The following CARMIL1 variants were observed in gnomAD, a reference collection of about 807,000 sequenced individuals.
CARMIL1 encodes the protein capping protein regulator and myosin 1 linker 1, also known as F-actin-uncapping protein LRRC16A.
Under a neutral mutation model 177.1 loss-of-function variants are expected in CARMIL1, and 90 were observed. The ratio of observed to expected loss-of-function variants is 0.51; its 90% CI spans 0.43 to 0.61. The LOEUF (loss-of-function observed/expected upper bound fraction) is 0.61, where lower values mean the gene tolerates loss of function less well. Ranked by LOEUF, CARMIL1 falls within the 20% of genes least tolerant of loss-of-function variation. The pLI is 0.00. For synonymous variants in CARMIL1, 577 were observed against 606.2 expected (o/e 0.95, Z 0.71); for missense variants, 1,380 against 1,667.0 (o/e 0.83, Z 3.00).
At chr6:25,468,870 A>T (rs1477206568) in intron 9 of CARMIL1, among the ~76,000 whole-genome samples, 2 of 152,240 alleles carry the variant, frequency 1.3e-5, no homozygotes, top group Non-Finnish European at 2.9e-5. Context: ...TCAAAGCATT[A>T]TGGTAAATTA....
intron 5 of CARMIL1, among the ~76,000 whole-genome samples, chr6:25,444,101 A>G (rs1460944438): frequency 6.6e-6 from 1 of 152,058 alleles, no homozygotes; most frequent in Non-Finnish European, 1.5e-5. Context: ...CTGCGCCTGG[A>G]CTTACAATTT....
intron 13 of CARMIL1, among the ~76,000 whole-genome samples, chr6:25,489,346 C>T (rs548169992): frequency 1.3e-5 from 2 of 152,164 alleles, no homozygotes; most frequent in African/African-American, 2.4e-5. Context: ...TCGTCTATTC[C>T]GTGAATAAAA....
chr6:25,483,681 CAAAAA>C (rs11452946), intron 12 of CARMIL1, among the ~76,000 whole-genome samples: 1 of 90,480 alleles, frequency 1.1e-5, no homozygotes, highest in Admixed American at 1.3e-4. Context: ...ATCTCTGTCT[CAAAAA>C]AAAAAAAAAA....
At chr6:25,325,690 G>A (rs1227890018) in intron 2 of CARMIL1, among the ~76,000 whole-genome samples, 2 of 152,182 alleles carry the variant, frequency 1.3e-5, no homozygotes, top group African/African-American at 4.8e-5. Context: ...GTAGCGTGTA[G>A]CAGACAGTGT....
chr6:25,415,795 G>T (rs969320780), intron 2 of CARMIL1, among the ~76,000 whole-genome samples: 4 of 152,108 alleles, frequency 2.6e-5, no homozygotes, highest in African/African-American at 9.7e-5. Flanking sequence ...TCTGTGATTG[G>T]TGTCTATTGT....
In CARMIL1 at chr6:25,520,219, G is replaced by A. The variant is rs1312035522; in HGVS notation, c.1875-25G>A. On this transcript the variant is annotated intron_variant, in intron 22 of 36. Transcript: ENST00000329474. The stretch of plus-strand genomic sequence containing the variant: ...GTAATAGGAAGTTATTTTTAAATAA[G>A]TATATTATTTTCTCCTTTTTCTAGG... 4 of 1,073,526 alleles carry A rather than the reference G, an allele frequency of 3.7e-6. No homozygotes were observed. The South Asian group carries it at 4.5e-5, about 12-fold the overall frequency. The allele number at this position is 1,073,526 out of a possible 1,614,324, so 66.5% of individuals were successfully genotyped here. A position where few individuals can be genotyped will look rare whatever the true frequency, so the allele number is the denominator to read the frequency against.
At chr6:25,579,409 T>C (rs1050570777) in intron 29 of CARMIL1, among the ~76,000 whole-genome samples, 2 of 152,234 alleles carry the variant, frequency 1.3e-5, no homozygotes, top group Non-Finnish European at 2.9e-5. Context: ...ATGGATAGAA[T>C]ACTGAAGAAC....
rs1167844964 is a variant in CARMIL1 at position 25,491,794 on chromosome 6, A to G, written c.1128A>G (p.Glu376=). Residue 376 remains glutamate, a synonymous_variant, in exon 14 of 37, where the codon GAA becomes GAG. Coordinates refer to ENST00000329474, the MANE Select transcript of CARMIL1 (RefSeq NM_017640.6). ...AIVHLDLSNT[E]CSLDMVCGAL... is the part of the protein sequence containing the mutation. Reference sequence around the variant, plus strand: ...TTCATCTGGATTTATCCAATACAGAATGTTCCCTGGACATGGTAAATTTAA... The same window carrying G: ...TTCATCTGGATTTATCCAATACAGAGTGTTCCCTGGACATGGTAAATTTAA... 1 of 1,598,564 alleles carries G rather than the reference A, an allele frequency of 6.3e-7. No homozygotes were observed. Among genetic ancestry groups the G allele is most frequent in the East Asian group, 2.2e-5 (1 of 44,500 alleles).
chr6:25,413,175 G>T (rs1795070875), intron 2 of CARMIL1, among the ~76,000 whole-genome samples: 2 of 152,034 alleles, frequency 1.3e-5, no homozygotes, highest in Admixed American at 6.5e-5. Context: ...GATTAATGAG[G>T]TTTTATCTGT....
At chr6:25,536,277 T>C (rs1165934476) in intron 24 of CARMIL1, among the ~76,000 whole-genome samples, 2 of 152,268 alleles carry the variant, frequency 1.3e-5, no homozygotes, top group South Asian at 4.1e-4. Context: ...TTTCTATCAA[T>C]TAAGATTTTA....
In CARMIL1 at chr6:25,307,828, C is replaced by T. The variant is rs1225360717; in HGVS notation, c.138+22919C>T. Among the ~76,000 whole-genome samples, 5 of 152,110 alleles carry T rather than the reference C, an allele frequency of 3.3e-5. No individual in the cohort carries two copies. The East Asian group carries it at 7.7e-4, about 23-fold the overall frequency. ...CAGGCATCTAAATCTGAAGTGTAAG[C>T]CTCTTTTTTGATAAATGAGGGATAG... On this transcript the variant is annotated intron_variant, in intron 2 of 36. Coordinates refer to ENST00000329474, the MANE Select transcript of CARMIL1 (RefSeq NM_017640.6).
intron 8 of CARMIL1, chr6:25,452,180 T>C (rs777320250): frequency 1.3e-6 from 1 of 764,722 alleles, no homozygotes; most frequent in Non-Finnish European, 2.4e-6. Context: ...CTCAGCTGTG[T>C]CTGTAGTTGT....
Position 25,515,929 on chromosome 6 carries a change from C to A in CARMIL1, c.1805+82C>A, listed in dbSNP as rs966921830. The A allele has an allele frequency of 5.6e-6, 8 of 1,417,204 alleles. No homozygotes were observed. The highest frequency in any genetic ancestry group is 7.6e-6 in the Non-Finnish European group (8 of 1,055,464). 87.8% of individuals were successfully genotyped at this position (1,417,204 alleles called of 1,614,324 possible). A position where few individuals can be genotyped will look rare whatever the true frequency, so the allele number is the denominator to read the frequency against. ...GCAAGCATTGCAGAGCTGCTGGGCC[C>A]GAGGGGACCTGGGCTTCCCATGAGG... On this transcript the variant is annotated intron_variant, in intron 21 of 36. Coordinates refer to ENST00000329474, the MANE Select transcript of CARMIL1 (RefSeq NM_017640.6). The surrounding 1 kb of genome is among the most constrained non-coding windows in gnomAD (Gnocchi z 5.0).
intron 4 of CARMIL1, among the ~76,000 whole-genome samples, chr6:25,427,609 A>G (rs2150730100): frequency 6.6e-6 from 1 of 152,252 alleles, no homozygotes; most frequent in African/African-American, 2.4e-5. Context: ...TAGTAGCTAT[A>G]TGTTTAACTT....
In CARMIL1 at chr6:25,510,541, G is replaced by T; in HGVS notation, c.1512G>T (p.Trp504Cys). 1 of 1,557,712 alleles carries T rather than the reference G, an allele frequency of 6.4e-7. No homozygotes were observed. Among genetic ancestry groups the T allele is most frequent in the Admixed American group, 1.9e-5 (1 of 52,044 alleles). ...CTGACCTATCTACCTTAATAGTGTG[G>T]CTCAGTAAAAACAGATCAATACAAC... ...LESDLSTLIV[W>C]LSKNRSIQHL... The change falls in exon 19 of 37, where the codon TGG becomes TGT. Residue 504 changes from tryptophan to cysteine, a missense_variant. Physicochemically the swap from Trp to Cys is radical, Grantham distance 215. Coordinates refer to ENST00000329474, the MANE Select transcript of CARMIL1 (RefSeq NM_017640.6).
chr6:25,450,861 T>G, intron 8 of CARMIL1, 150 bp downstream of exon 8: 2 of 544,072 alleles, frequency 3.7e-6, no homozygotes, highest in Non-Finnish European at 6.4e-6. Context: ...TCCCCTCCCT[T>G]CCCTTCCCTT....
intron 31 of CARMIL1, among the ~76,000 whole-genome samples, chr6:25,586,844 C>T (rs1354468286): frequency 1.3e-5 from 2 of 152,094 alleles, no homozygotes; most frequent in African/African-American, 4.8e-5. Flanking sequence ...ATCCCAGGCA[C>T]TCGGCAGGCT....
intron 5 of CARMIL1, among the ~76,000 whole-genome samples, chr6:25,440,105 T>C (rs1440057625): frequency 6.6e-6 from 1 of 152,186 alleles, no homozygotes; most frequent in Non-Finnish European, 1.5e-5. Context: ...CACATACACT[T>C]CACACTTAAT....
intron 15 of CARMIL1, among the ~76,000 whole-genome samples, chr6:25,493,891 A>G (rs1803455647): frequency 6.6e-6 from 1 of 152,172 alleles, no homozygotes; most frequent in Non-Finnish European, 1.5e-5. Context: ...ATATGGAAAC[A>G]GAGTTGTTTG....
Sources: gnomAD v4.1 joint callset for allele counts (sites outside exome capture counted in the v4.1 genomes callset) on GRCh38, gnomAD v4.1.1 for gene constraint, Gnocchi (gnomAD v3.1) non-coding constraint, MANE v1.5 for transcripts, NCBI Gene and HGNC (gene_info 2026-07-23, HGNC 2026-07-21) for gene names.